GSG1L: variants seen among roughly 807,000 people sequenced by gnomAD.
GSG1L encodes the protein germ cell-specific gene 1-like protein.
Under a neutral mutation model 42.1 loss-of-function variants are expected in GSG1L, and 24 were observed. The ratio of observed to expected loss-of-function variants is 0.57; its 90% CI spans 0.41 to 0.80. GSG1L has a LOEUF of 0.80. GSG1L is among the 30% of genes least tolerant of loss of function. The probability of loss-of-function intolerance (pLI) is 0.00; values close to 1 mark genes in which losing one functional copy is unlikely to be tolerated. For missense variants in GSG1L, 445 were observed against 472.2 expected (o/e 0.94, Z 0.53); for synonymous variants, 215 against 203.5 (o/e 1.06, Z -0.48).
intron 1 of GSG1L, among the ~76,000 whole-genome samples, chr16:28,038,517 G>A (rs934010016): frequency 6.6e-6 from 1 of 152,126 alleles, no homozygotes; most frequent in Admixed American, 6.5e-5. Flanking sequence ...GTGGAGGGAA[G>A]TGGGGACGTG....
intron 1 of GSG1L, among the ~76,000 whole-genome samples, chr16:27,970,017 T>C (rs2085176491): frequency 6.6e-6 from 1 of 152,338 alleles, no homozygotes; most frequent in Middle Eastern, 3.4e-3. Flanking sequence ...TTTGGAGAAA[T>C]ATCTTCTCAG....
At chr16:28,027,541 G>A (rs2085913156) in intron 1 of GSG1L, among the ~76,000 whole-genome samples, 1 of 152,168 alleles carries the variant, frequency 6.6e-6, no homozygotes, top group African/African-American at 2.4e-5. Context: ...TGTTAAATGT[G>A]ACTGGTACAA....
chr16:27,854,168 G>C (rs944563755), intron 3 of GSG1L, among the ~76,000 whole-genome samples: 1 of 151,162 alleles, frequency 6.6e-6, no homozygotes, highest in Non-Finnish European at 1.5e-5. Context: ...GAGGGGACTG[G>C]GACGCAGGGG....
chr16:27,836,420 T>C (rs2083321072), intron 4 of GSG1L, among the ~76,000 whole-genome samples: 2 of 152,154 alleles, frequency 1.3e-5, no homozygotes, highest in Admixed American at 1.3e-4. Context: ...TTGGGAAGTT[T>C]TCAGCCATTA....
chr16:27,930,100 G>A (rs1302287933), intron 2 of GSG1L, among the ~76,000 whole-genome samples: 2 of 151,722 alleles, frequency 1.3e-5, no homozygotes, highest in African/African-American at 2.4e-5. Context: ...GGGGTTGAAG[G>A]GCCTCCTCAA....
At chr16:28,045,087 C>T (rs1397880760) in intron 1 of GSG1L, among the ~76,000 whole-genome samples, 1 of 147,472 alleles carries the variant, frequency 6.8e-6, no homozygotes, top group Non-Finnish European at 1.5e-5. Context: ...GGCAGAGCAT[C>T]GGGGATTTTT....
At chr16:27,835,019 A>G (rs1048410893) in intron 4 of GSG1L, among the ~76,000 whole-genome samples, 1 of 152,020 alleles carries the variant, frequency 6.6e-6, no homozygotes, top group African/African-American at 2.4e-5. Context: ...TCTCAATTAG[A>G]TCCTATTGGT....
intron 1 of GSG1L, among the ~76,000 whole-genome samples, chr16:28,027,068 C>T (rs777154544): frequency 1.1e-4 from 17 of 152,282 alleles, no homozygotes; most frequent in East Asian, 1.9e-4. Flanking sequence ...GGACAGTACA[C>T]GCCCCTTCAG....
At position 27,879,426 on chromosome 16, in the gene GSG1L, C is replaced by G. The variant is rs372251200; in HGVS notation, c.550+5060G>C. On this transcript the variant is annotated intron_variant, in intron 3 of 6. Coordinates refer to ENST00000447459, the MANE Select transcript of GSG1L (RefSeq NM_001109763.2). ...TGAAGGCCAGCCTGGGCCAATATAG[C>G]AAGACCTCATCTTCACAAAAAAATT... Among the ~76,000 whole-genome samples, 9 of 152,158 alleles carry G rather than the reference C, an allele frequency of 5.9e-5. No individual in the cohort carries two copies. The East Asian group carries it at 9.6e-4, about 16-fold the overall frequency.
rs993604215 is a variant in GSG1L, at chr16:27,789,027, T to A, written c.*2343A>T. On this transcript the variant is annotated 3_prime_UTR_variant, in exon 7 of 7. Transcript: ENST00000447459. ...TGAACTATATCAGTGAATAGATGGATGCACAGCTGGATGGTTGAGTAATGA... is the reference window on the plus strand; with the variant it reads ...TGAACTATATCAGTGAATAGATGGAAGCACAGCTGGATGGTTGAGTAATGA... 1 of 152,234 alleles carries A rather than the reference T, an allele frequency of 6.6e-6. No individual in the cohort carries two copies. Among genetic ancestry groups the A allele is most frequent in the Non-Finnish European group, 1.5e-5 (1 of 68,050 alleles). 9.4% of individuals were successfully genotyped at this position (152,234 alleles called of 1,614,324 possible).
intron 2 of GSG1L, among the ~76,000 whole-genome samples, chr16:27,940,714 G>A (rs867181469): frequency 2.7e-5 from 3 of 112,784 alleles, no homozygotes; most frequent in Admixed American, 9.1e-5. Context: ...GGGGTGGGGG[G>A]AGTGGGGAGG....
chr16:28,005,909 A>C (rs1253365476), intron 1 of GSG1L, among the ~76,000 whole-genome samples: 1 of 152,238 alleles, frequency 6.6e-6, no homozygotes, highest in Non-Finnish European at 1.5e-5. Context: ...ACAAAACAGA[A>C]GGGACTTTGC....
chr16:28,053,235 C>G (rs963276842), intron 1 of GSG1L, among the ~76,000 whole-genome samples: 11 of 152,246 alleles, frequency 7.2e-5, no homozygotes, highest in African/African-American at 2.7e-4. Context: ...TAGGGAGAAG[C>G]TGCTTCCCAC....
intron 6 of GSG1L, among the ~76,000 whole-genome samples, chr16:27,800,326 A>T (rs938506516): frequency 3.3e-5 from 5 of 152,204 alleles, no homozygotes; most frequent in African/African-American, 1.2e-4. Flanking sequence ...GGGCAGCAGC[A>T]GTGGCAGAGA....
At chr16:27,985,386 C>G (rs1171535652) in intron 1 of GSG1L, among the ~76,000 whole-genome samples, 1 of 152,130 alleles carries the variant, frequency 6.6e-6, no homozygotes, top group African/African-American at 2.4e-5. Flanking sequence ...ACCTCCTCCT[C>G]TCTTTCTCTA....
At chr16:27,986,363 G>T (rs1464468647) in intron 1 of GSG1L, among the ~76,000 whole-genome samples, 1 of 152,010 alleles carries the variant, frequency 6.6e-6, no homozygotes, top group African/African-American at 2.4e-5. Context: ...AGCTGGACGT[G>T]GTGGTGTGCA....
intron 1 of GSG1L, among the ~76,000 whole-genome samples, chr16:28,011,735 C>T (rs11074888): frequency 0.49 from 74,767 of 152,044 alleles, 20,228 homozygotes; most frequent in Non-Finnish European, 0.61. Context: ...GAGCAACTGT[C>T]TAGAGGGATT....
chr16:27,866,984 G>A (rs540486025), intron 3 of GSG1L, among the ~76,000 whole-genome samples: 15 of 152,156 alleles, frequency 9.9e-5, no homozygotes, highest in South Asian at 4.2e-4. Context: ...ACCCTGGCCC[G>A]GGGGCAGAGG....
At chr16:27,941,720 A>G (rs1178523333) in intron 2 of GSG1L, among the ~76,000 whole-genome samples, 1 of 151,994 alleles carries the variant, frequency 6.6e-6, no homozygotes, top group Non-Finnish European at 1.5e-5. Context: ...CTGTCCCTCA[A>G]CAGACAAATG....
Sources: allele counts gnomAD v4.1 joint callset (sites outside exome capture counted in the v4.1 genomes callset), GRCh38; gene constraint gnomAD v4.1.1; transcripts MANE v1.5; gene names NCBI Gene and HGNC (gene_info 2026-07-23, HGNC 2026-07-21).